AFG2A: variants seen among roughly 807,000 people sequenced by gnomAD.
The protein encoded by AFG2A is AAA ATPase AFG2A.
chr4:122,988,801 T>G, the AFG2A span, among the ~76,000 whole-genome samples: 2 of 152,210 alleles, frequency 1.3e-5, no homozygotes, highest in Non-Finnish European at 2.9e-5. Flanking sequence ...CCTGTTAGGC[T>G]TTTTTCACTC....
the AFG2A span, chr4:123,316,482 C>T: frequency 6.6e-6 from 1 of 152,152 alleles, no homozygotes; most frequent in African/African-American, 2.4e-5. Context: ...AACTTTTATG[C>T]TCTGTGTTCC....
the AFG2A span, among the ~76,000 whole-genome samples, chr4:122,937,133 C>T: frequency 3.9e-3 from 600 of 152,232 alleles, 2 homozygotes; most frequent in African/African-American, 0.013. Flanking sequence ...CTGGGCAACA[C>T]ACACCCCGTC....
At chr4:123,225,687 A>G in the AFG2A span, among the ~76,000 whole-genome samples, 4 of 152,110 alleles carry the variant, frequency 2.6e-5, 1 homozygote, top group South Asian at 4.1e-4. Context: ...TTGACTTGGC[A>G]ATGTAGGCTC....
chr4:123,178,891 T>C, the AFG2A span, among the ~76,000 whole-genome samples: 2 of 152,180 alleles, frequency 1.3e-5, no homozygotes, highest in African/African-American at 4.8e-5. Context: ...CTTCCATCAG[T>C]CCCTGCACAT....
chr4:122,954,885 A>G, the AFG2A span, among the ~76,000 whole-genome samples: 3 of 152,052 alleles, frequency 2.0e-5, no homozygotes, highest in South Asian at 2.1e-4. Context: ...TTCTGTACTC[A>G]TACATTGGGT....
the AFG2A span, among the ~76,000 whole-genome samples, chr4:123,110,903 T>C: frequency 2.0e-5 from 3 of 152,240 alleles, no homozygotes; most frequent in Non-Finnish European, 4.4e-5. Context: ...TCCCGTAGCA[T>C]GTCATTTTTC....
At chr4:123,000,960 T>C in the AFG2A span, among the ~76,000 whole-genome samples, 1 of 116,494 alleles carries the variant, frequency 8.6e-6, no homozygotes, top group Non-Finnish European at 1.9e-5. Flanking sequence ...GGTAAGCTAT[T>C]GATTATTGCC....
the AFG2A span, among the ~76,000 whole-genome samples, chr4:123,110,119 C>G: frequency 6.6e-6 from 1 of 152,048 alleles, no homozygotes; most frequent in African/African-American, 2.4e-5. Flanking sequence ...TACTGAATAG[C>G]AAAACGAACA....
At chr4:123,132,489 G>T in the AFG2A span, among the ~76,000 whole-genome samples, 2 of 149,268 alleles carry the variant, frequency 1.3e-5, no homozygotes, top group Non-Finnish European at 3.0e-5. Flanking sequence ...AATTATATTT[G>T]TGTGTGTGTG....
the AFG2A span, among the ~76,000 whole-genome samples, chr4:122,963,390 G>A: frequency 6.6e-6 from 1 of 152,186 alleles, no homozygotes; most frequent in Non-Finnish European, 1.5e-5. Context: ...TGACTCAGAT[G>A]AAATGAGGTA....
At chr4:123,008,275 C>CT in the AFG2A span, among the ~76,000 whole-genome samples, 1 of 152,114 alleles carries the variant, frequency 6.6e-6, no homozygotes, top group African/African-American at 2.4e-5. Flanking sequence ...GTCACCAGTT[C>CT]TTATGGGAAC....
At chr4:123,003,000 A>G in the AFG2A span, among the ~76,000 whole-genome samples, 5 of 151,988 alleles carry the variant, frequency 3.3e-5, no homozygotes, top group East Asian at 1.9e-4. Context: ...GGCTTTGTTC[A>G]TTTCTTTTTA....
chr4:123,007,642 A>AT, the AFG2A span, among the ~76,000 whole-genome samples: 2 of 25,510 alleles, frequency 7.8e-5, no homozygotes, highest in African/African-American at 2.0e-4. Flanking sequence ...ACACACACAC[A>AT]ACACACACAC....
the AFG2A span, among the ~76,000 whole-genome samples, chr4:123,144,226 T>A: frequency 9.2e-5 from 14 of 152,210 alleles, no homozygotes; most frequent in African/African-American, 3.4e-4. Flanking sequence ...GATGGAAATT[T>A]TGAAAAGAGC....
chr4:123,185,569 T>A, the AFG2A span, among the ~76,000 whole-genome samples: 2 of 152,188 alleles, frequency 1.3e-5, no homozygotes. Flanking sequence ...GATTTCAAAT[T>A]TCATTTCTTT....
At chr4:123,142,276 G>C in the AFG2A span, among the ~76,000 whole-genome samples, 1 of 152,222 alleles carries the variant, frequency 6.6e-6, no homozygotes, top group Non-Finnish European at 1.5e-5. Context: ...ATGCATGTAA[G>C]TACACATGCA....
chr4:122,929,284 T>C, the AFG2A span: 2 of 1,405,748 alleles, frequency 1.4e-6, no homozygotes, highest in Admixed American at 5.7e-5. Context: ...ATATGTAATT[T>C]TGCATTTTCT....
the AFG2A span, among the ~76,000 whole-genome samples, chr4:123,127,168 C>T: frequency 6.6e-6 from 1 of 152,174 alleles, no homozygotes; most frequent in Non-Finnish European, 1.5e-5. Flanking sequence ...CTTGCCACTG[C>T]TCTGTAGCCT....
the AFG2A span, among the ~76,000 whole-genome samples, chr4:122,964,737 G>T: frequency 6.6e-6 from 1 of 152,140 alleles, no homozygotes; most frequent in African/African-American, 2.4e-5. Context: ...GTGATAGAGG[G>T]TTTGGAATAG....
Sources: gnomAD v4.1 joint callset for allele counts (sites outside exome capture counted in the v4.1 genomes callset) on GRCh38, gnomAD v4.1.1 for gene constraint, MANE v1.5 for transcripts, NCBI Gene and HGNC (gene_info 2026-07-23, HGNC 2026-07-21) for gene names.